TFDP2: variants seen among roughly 807,000 people sequenced by gnomAD.
TFDP2 encodes transcription factor Dp-2.
Under a neutral mutation model 59.3 loss-of-function variants are expected in TFDP2, and 17 were observed. That is an observed-to-expected ratio of 0.29 (90% CI 0.20 to 0.43). TFDP2 has a LOEUF of 0.43. TFDP2 is among the 20% of genes least tolerant of loss of function. The pLI, the probability that TFDP2 is intolerant of heterozygous loss-of-function variation, is 1.00. For missense variants in TFDP2, 391 were observed against 528.8 expected (o/e 0.74, Z 2.56); for synonymous variants, 180 against 194.7 (o/e 0.92, Z 0.63).
At chr3:142,042,611 C>CTTTCT (rs1350153218) in intron 3 of TFDP2, among the ~76,000 whole-genome samples, 2 of 112,804 alleles carry the variant, frequency 1.8e-5, no homozygotes, top group South Asian at 3.0e-4. Context: ...GTTTCTTTTT[C>CTTTCT]TTTCTTTTCT....
chr3:142,091,048 C>A (rs766611383), intron 3 of TFDP2, among the ~76,000 whole-genome samples: 4 of 152,136 alleles, frequency 2.6e-5, no homozygotes, highest in Non-Finnish European at 5.9e-5. Flanking sequence ...CAGAGATTCC[C>A]AGTTACGTGT....
At chr3:142,133,475 G>A (rs1374393310) in intron 1 of TFDP2, among the ~76,000 whole-genome samples, 1 of 149,780 alleles carries the variant, frequency 6.7e-6, no homozygotes, top group Non-Finnish European at 1.5e-5. Context: ...CAAAGTGCTG[G>A]GATTATAGGC....
At chr3:142,010,650 G>A (rs1380552022) in intron 3 of TFDP2, among the ~76,000 whole-genome samples, 2 of 149,066 alleles carry the variant, frequency 1.3e-5, no homozygotes, top group Non-Finnish European at 3.0e-5. Flanking sequence ...GAGTGAACAG[G>A]CAACCTACAA....
intron 10 of TFDP2, 45 bp from the exon 11 acceptor site, chr3:141,959,885 G>A (rs1205210344): frequency 2.5e-6 from 4 of 1,592,506 alleles, no homozygotes; most frequent in South Asian, 1.1e-5. Flanking sequence ...GTGCTGGAGA[G>A]GTCTGAATAG....
rs1031746447 is a variant in TFDP2, at chr3:141,951,060, G to A, written c.*1453C>T. 1 of 152,178 alleles carries A rather than the reference G, an allele frequency of 6.6e-6. No individual in the cohort carries two copies. Among genetic ancestry groups the A allele is most frequent in the East Asian group, 1.9e-4 (1 of 5,192 alleles). The allele number at this position is 152,178 out of a possible 1,614,324, so 9.4% of individuals were successfully genotyped here. On this transcript the variant is annotated 3_prime_UTR_variant, in exon 13 of 13. Transcript: ENST00000489671. ...GGCTATAAAGAGGCACCACAGGAAG[G>A]AGCCTGCACTTCCCCCATGGGATTT... is the stretch of plus-strand genomic sequence containing the variant.
intron 3 of TFDP2, among the ~76,000 whole-genome samples, chr3:142,017,216 T>C (rs1945195953): frequency 2.0e-5 from 3 of 152,240 alleles, no homozygotes; most frequent in Admixed American, 2.0e-4. Flanking sequence ...TTTACTTATA[T>C]AATTACTATC....
chr3:141,948,008 C>G lies in TFDP2; in HGVS notation c.*4505G>C, dbSNP rs748892381. ...TCAAGTTTCCCCAATAGGAGGAGAACCCAACATCGGCAGGGCTCTCGCTGC... is the reference window on the plus strand; with the variant it reads ...TCAAGTTTCCCCAATAGGAGGAGAAGCCAACATCGGCAGGGCTCTCGCTGC... On this transcript the variant is annotated 3_prime_UTR_variant, in exon 13 of 13. Coordinates refer to ENST00000489671, the MANE Select transcript of TFDP2 (RefSeq NM_001178139.2). 1 of 152,232 alleles carries G rather than the reference C, an allele frequency of 6.6e-6. No homozygotes were observed. Among genetic ancestry groups the G allele is most frequent in the Non-Finnish European group, 1.5e-5 (1 of 68,076 alleles). The allele number at this position is 152,232 out of a possible 1,614,324, so 9.4% of individuals were successfully genotyped here.
intron 1 of TFDP2, among the ~76,000 whole-genome samples, chr3:142,119,071 G>C (rs905233032): frequency 9.9e-5 from 15 of 152,110 alleles, no homozygotes; most frequent in African/African-American, 3.6e-4. Flanking sequence ...TGAGGCATGA[G>C]AACAGCTTGA....
At chr3:142,017,645 CG>C (rs1003282598) in intron 3 of TFDP2, among the ~76,000 whole-genome samples, 2 of 147,530 alleles carry the variant, frequency 1.4e-5, no homozygotes, top group African/African-American at 2.5e-5. Context: ...CTGTGCCTGC[CG>C]GGTTCATGCG....
At chr3:142,067,026 TA>T (rs954879924) in intron 3 of TFDP2, among the ~76,000 whole-genome samples, 5 of 151,916 alleles carry the variant, frequency 3.3e-5, no homozygotes, top group African/African-American at 1.2e-4. Context: ...AGGGCAGCTA[TA>T]AAAAAAATCT....
Position 141,968,402 on chromosome 3 carries a change from T to TAACATAA in TFDP2, c.732+1670_732+1671insTTATGTT, listed in dbSNP as rs1183792005. 3.2e-4 allele frequency among the ~76,000 whole-genome samples: 35 copies of TAACATAA among 110,120 alleles called. 3 individuals carry two copies. The highest frequency in any genetic ancestry group is 1.2e-3 in the African/African-American group (34 of 28,712). 72.2% of individuals were successfully genotyped at this position (110,120 alleles called of 152,430 possible). ...ATATCTCATATATATAACATATATA[T>TAACATAA]CATATATATAACATATATATCTCAT... On this transcript the variant is annotated intron_variant, in intron 9 of 12. Coordinates refer to ENST00000489671, the MANE Select transcript of TFDP2 (RefSeq NM_001178139.2).
chr3:142,036,071 C>G (rs1946682957), intron 3 of TFDP2, among the ~76,000 whole-genome samples: 1 of 152,104 alleles, frequency 6.6e-6, no homozygotes, highest in Admixed American at 6.5e-5. Flanking sequence ...ATACTGTTCT[C>G]CATGTCATAT....
chr3:141,995,191 C>T (rs1943151626), intron 4 of TFDP2, 50 bp from the exon 5 acceptor site: 3 of 1,428,312 alleles, frequency 2.1e-6, no homozygotes, highest in African/African-American at 1.5e-5. Context: ...TTAAGAAAAG[C>T]CTACAGGCAG....
chr3:142,047,994 G>C (rs762421910), intron 3 of TFDP2, among the ~76,000 whole-genome samples: 4 of 151,926 alleles, frequency 2.6e-5, no homozygotes, highest in Non-Finnish European at 5.9e-5. Context: ...CACACACCTC[G>C]GCCTCCCAAA....
At chr3:141,986,690 G>A (rs932365717) in intron 6 of TFDP2, among the ~76,000 whole-genome samples, 15 of 152,090 alleles carry the variant, frequency 9.9e-5, no homozygotes, top group African/African-American at 2.9e-4. Flanking sequence ...GATGAGTTAC[G>A]GGTATGTGTA....
At chr3:142,001,145 G>T (rs986619979) in intron 4 of TFDP2, among the ~76,000 whole-genome samples, 20 of 152,212 alleles carry the variant, frequency 1.3e-4, no homozygotes, top group Admixed American at 1.2e-3. Flanking sequence ...TCTCTGCCAG[G>T]ATCTGCTAAG....
intron 3 of TFDP2, among the ~76,000 whole-genome samples, chr3:142,069,828 T>C (rs1280675664): frequency 4.7e-5 from 7 of 150,040 alleles, no homozygotes; most frequent in Admixed American, 4.6e-4. Flanking sequence ...AGGCTTGTCT[T>C]GAACTCCTTA....
intron 4 of TFDP2, 77 bp downstream of exon 4, chr3:142,005,364 T>C (rs1442759072): frequency 8.2e-7 from 1 of 1,212,990 alleles, no homozygotes; most frequent in African/African-American, 1.5e-5. Flanking sequence ...TCTGATCAAA[T>C]ATATTTAATG....
intron 11 of TFDP2, among the ~76,000 whole-genome samples, chr3:141,956,513 T>C (rs575343876): frequency 4.0e-5 from 6 of 151,754 alleles, no homozygotes; most frequent in South Asian, 2.1e-4. Flanking sequence ...GACTGCACCA[T>C]TGCACTCCAG....
Sources: allele counts gnomAD v4.1 joint callset (sites outside exome capture counted in the v4.1 genomes callset), GRCh38; gene constraint gnomAD v4.1.1; transcripts MANE v1.5; gene names NCBI Gene and HGNC (gene_info 2026-07-23, HGNC 2026-07-21).